The following RASGRF1 variants were observed in gnomAD, a reference collection of about 807,000 sequenced individuals.
RASGRF1 encodes the protein Ras protein specific guanine nucleotide releasing factor 1.
In RASGRF1, 40 loss-of-function variants were observed where a neutral mutation model predicts 138.7. The observed-to-expected ratio is 0.29, with a 90% CI of 0.22 to 0.38. The LOEUF is 0.38. RASGRF1 is among the 10% of genes least tolerant of loss of function. The pLI, the probability that RASGRF1 is intolerant of heterozygous loss-of-function variation, is 1.00. For missense variants in RASGRF1, 1,108 were observed against 1,650.4 expected (o/e 0.67, Z 5.69); for synonymous variants, 614 against 663.2 (o/e 0.93, Z 1.14).
At chr15:79,021,795 T>G (rs1342610693) in intron 10 of RASGRF1, among the ~76,000 whole-genome samples, 1 of 152,222 alleles carries the variant, frequency 6.6e-6, no homozygotes, top group African/African-American at 2.4e-5. Context: ...TCCGTCTCAG[T>G]GGGCTGTTCT....
chr15:78,984,922 A>C lies in RASGRF1; in HGVS notation c.3414+85T>G, dbSNP rs538723930. 2.1e-6 allele frequency: 3 copies of C among 1,434,004 alleles called. No individual in the cohort carries two copies. The African/African-American group carries it at 4.2e-5, about 20-fold the overall frequency. 88.8% of individuals were successfully genotyped at this position (1,434,004 alleles called of 1,614,324 possible). ...AGCCCAGTACTTTGCCCACTTGTGG[A>C]TGCCCAGTGGCCAGCCCACGGGTCT... On this transcript the variant is annotated intron_variant, in intron 23 of 26. Coordinates refer to ENST00000558480, the MANE Select transcript of RASGRF1 (RefSeq NM_001145648.3).
intron 10 of RASGRF1, among the ~76,000 whole-genome samples, chr15:79,023,465 A>G (rs965640651): frequency 4.6e-5 from 7 of 152,174 alleles, no homozygotes; most frequent in Admixed American, 3.3e-4. Context: ...CACAGCAATG[A>G]GACAAGTAGT....
At chr15:79,003,275 G>A (rs1226302754) in intron 15 of RASGRF1, among the ~76,000 whole-genome samples, 7 of 152,162 alleles carry the variant, frequency 4.6e-5, no homozygotes, top group Admixed American at 6.5e-5. Context: ...CTTCTATGAC[G>A]CTCCTAATGG....
At chr15:78,985,310 G>T in intron 22 of RASGRF1, 106 bp from the exon 23 acceptor site, 1 of 1,217,298 alleles carries the variant, frequency 8.2e-7, no homozygotes, top group Non-Finnish European at 1.1e-6. Flanking sequence ...ATACAAGAAG[G>T]AATTGGAAAA....
chr15:78,978,205 T>TTTTTCTTTTC (rs1340467638), intron 24 of RASGRF1, among the ~76,000 whole-genome samples: 30 of 134,130 alleles, frequency 2.2e-4, no homozygotes, highest in African/African-American at 4.8e-4. Context: ...CTTCTTTTTC[T>TTTTTCTTTTC]TTTTCTTTTC....
rs542075208 is a variant in RASGRF1, at chr15:78,985,139, G to A, written c.3282C>T (p.Ile1094=). The A allele has an allele frequency of 2.4e-5, 38 of 1,613,484 alleles. No individual in the cohort carries two copies. The highest frequency in any genetic ancestry group is 3.3e-5 in the Admixed American group (2 of 60,024). ...NEDINARVSA[I]EKWVAVADIC... is the part of the protein sequence containing the mutation. Reference sequence around the variant, plus strand: ...TGTCAGCTACGGCCACCCACTTCTCGATGGCGCTCACCCTGGCGTTGATGT... The same window carrying A: ...TGTCAGCTACGGCCACCCACTTCTCAATGGCGCTCACCCTGGCGTTGATGT... The change falls in exon 23 of 27, where the codon ATC becomes ATT. Residue 1094 remains isoleucine (I), a synonymous_variant. Coordinates refer to ENST00000558480, the MANE Select transcript of RASGRF1 (RefSeq NM_001145648.3).
chr15:79,057,737 G>A (rs1433525712), intron 3 of RASGRF1, among the ~76,000 whole-genome samples: 1 of 152,210 alleles, frequency 6.6e-6, no homozygotes, highest in Non-Finnish European at 1.5e-5. Flanking sequence ...TTCTGCTCCA[G>A]GTGAAACCAA....
At chr15:79,077,763 T>C (rs76552662) in intron 1 of RASGRF1, among the ~76,000 whole-genome samples, 1 of 152,158 alleles carries the variant, frequency 6.6e-6, no homozygotes, top group Admixed American at 6.5e-5. Flanking sequence ...CTCACTGCCA[T>C]GCCTGCTTCA....
intron 22 of RASGRF1, among the ~76,000 whole-genome samples, chr15:78,987,725 A>G (rs2056190147): frequency 6.6e-6 from 1 of 151,956 alleles, no homozygotes; most frequent in Admixed American, 6.6e-5. Context: ...AAAAAAAACC[A>G]AAAAACCCCA....
At chr15:78,962,895 TAAAAA>T (rs2055575412) in intron 26 of RASGRF1, among the ~76,000 whole-genome samples, 1 of 151,978 alleles carries the variant, frequency 6.6e-6, no homozygotes, top group South Asian at 2.1e-4. Flanking sequence ...TAAAATAAAA[TAAAAA>T]GTTTTATAAT....
intron 5 of RASGRF1, among the ~76,000 whole-genome samples, chr15:79,038,132 G>A (rs2141011683): frequency 6.6e-6 from 1 of 152,288 alleles, no homozygotes. Context: ...TCACAGACCA[G>A]TGTTAGTCTG....
chr15:78,972,026 C>A (rs576619345), intron 25 of RASGRF1, 92 bp from the exon 26 acceptor site: 1 of 1,089,194 alleles, frequency 9.2e-7, no homozygotes, highest in Admixed American at 1.7e-5. Context: ...ACAACTAAAT[C>A]TGAAGTCAGC....
At chr15:79,009,788 G>T (rs1377272791) in intron 13 of RASGRF1, among the ~76,000 whole-genome samples, 1 of 150,874 alleles carries the variant, frequency 6.6e-6, no homozygotes, top group East Asian at 2.0e-4. Flanking sequence ...GCAGTGGTGC[G>T]ATCTTGGCTC....
chr15:79,000,848 C>A (rs1482172882), intron 16 of RASGRF1, among the ~76,000 whole-genome samples: 2 of 152,240 alleles, frequency 1.3e-5, no homozygotes, highest in Admixed American at 6.5e-5. Context: ...CAGTTTCTCT[C>A]TAAAGCTCGG....
intron 21 of RASGRF1, 61 bp from the exon 22 acceptor site, chr15:78,990,334 G>T: frequency 8.9e-7 from 1 of 1,124,508 alleles, no homozygotes. Context: ...TGATTTCATT[G>T]CTCCATGCTT....
chr15:79,025,293 C>T (rs1478407237), intron 10 of RASGRF1, 21 bp downstream of exon 10: 11 of 1,576,232 alleles, frequency 7.0e-6, no homozygotes, highest in Non-Finnish European at 8.6e-6. Flanking sequence ...AGCCCCCAAG[C>T]CCCTCTCCCG....
At chr15:78,979,818 C>T (rs1443003534) in intron 24 of RASGRF1, among the ~76,000 whole-genome samples, 1 of 152,244 alleles carries the variant, frequency 6.6e-6, no homozygotes, top group Admixed American at 6.5e-5. Context: ...GACACTAGCT[C>T]TTCAGTTTCT....
intron 25 of RASGRF1, 45 bp from the exon 26 acceptor site, chr15:78,971,979 G>T: frequency 6.7e-7 from 1 of 1,494,700 alleles, no homozygotes; most frequent in Non-Finnish European, 9.3e-7. Flanking sequence ...TGCTCTCCTA[G>T]TTCCACCCCC....
intron 23 of RASGRF1, 52 bp downstream of exon 23, chr15:78,984,955 C>G (rs776901878): frequency 2.5e-6 from 4 of 1,575,846 alleles, no homozygotes; most frequent in Non-Finnish European, 2.6e-6. Flanking sequence ...TCTTCCTGCC[C>G]TAGCCCCAAT....
Sources: allele counts gnomAD v4.1 joint callset (sites outside exome capture counted in the v4.1 genomes callset), GRCh38; gene constraint gnomAD v4.1.1; transcripts MANE v1.5; gene names NCBI Gene and HGNC (gene_info 2026-07-23, HGNC 2026-07-21).